The following ADCK2 variants were observed in gnomAD, a reference collection of about 807,000 sequenced individuals.
ADCK2 encodes the protein aarF domain containing kinase 2.
ADCK2 carries 37 observed loss-of-function variants against 52.3 expected under a neutral mutation model. That is an observed-to-expected ratio of 0.71 (90% CI 0.54 to 0.93). The LOEUF is 0.93. ADCK2 is among the 40% of genes least tolerant of loss of function. ADCK2 has a pLI of 0.00. For synonymous variants in ADCK2, 321 were observed against 349.2 expected (o/e 0.92, Z 0.90); for missense variants, 695 against 798.7 (o/e 0.87, Z 1.56).
chr7:140,686,893 G>T (rs1794612286), intron 4 of ADCK2, 97 bp from the exon 5 acceptor site: 1 of 1,507,522 alleles, frequency 6.6e-7, no homozygotes. Flanking sequence ...CTGTGATAGA[G>T]TGCTGGGAGC....
chr7:140,692,468 G>A (rs896115583), intron 7 of ADCK2, among the ~76,000 whole-genome samples: 7 of 152,078 alleles, frequency 4.6e-5, no homozygotes, highest in African/African-American at 1.7e-4. Context: ...AGCAATTCTC[G>A]TGCCTCAGCC....
rs1794777569 is a variant in ADCK2, at chr7:140,695,106, T to A, written c.*303T>A. 8.9e-7 allele frequency: 1 copy of A among 1,119,438 alleles called. No individual in the cohort carries two copies. The highest frequency in any genetic ancestry group is 1.1e-6 in the Non-Finnish European group (1 of 916,174). The allele number at this position is 1,119,438 out of a possible 1,614,324, so 69.3% of individuals were successfully genotyped here. ...AGGAGGACGAATAAATTTATTTTGT[T>A]TTCCTGTTTTTCTCATTTCTTGACC... On this transcript the variant is annotated 3_prime_UTR_variant, in exon 8 of 8. Coordinates refer to ENST00000072869, the MANE Select transcript of ADCK2 (RefSeq NM_052853.4).
chr7:140,680,293 G>C (rs1393432141), intron 3 of ADCK2, among the ~76,000 whole-genome samples: 1 of 151,630 alleles, frequency 6.6e-6, no homozygotes, highest in Non-Finnish European at 1.5e-5. Flanking sequence ...CCATAGGCAC[G>C]AGCCACCATC....
At chr7:140,685,763 T>C (rs1794595408) in intron 4 of ADCK2, among the ~76,000 whole-genome samples, 1 of 152,160 alleles carries the variant, frequency 6.6e-6, no homozygotes, top group Non-Finnish European at 1.5e-5. Context: ...TGAGAGCCCG[T>C]CCACCAGCAG....
chr7:140,674,228 C>G lies in ADCK2; in HGVS notation c.898C>G (p.Pro300Ala). The change falls in exon 1 of 8, where the codon CCT becomes GCT. Residue 300 changes from proline to alanine, a missense_variant. Coordinates refer to ENST00000072869, the MANE Select transcript of ADCK2 (RefSeq NM_052853.4). The surrounding 1 kb of genome is among the most constrained non-coding windows in gnomAD (Gnocchi z 4.6). ...VSRAQVPGHQ[P>A]EATNLISVAV... ...TCGGGCTCAGGTCCCTGGCCACCAA[C>G]CTGAGGCCACCAACCTCATCTCCGT... 6.2e-7 allele frequency: 1 copy of G among 1,613,652 alleles called. No homozygotes were observed.
At chr7:140,677,784 G>A (rs997053732) in intron 2 of ADCK2, among the ~76,000 whole-genome samples, 2 of 152,206 alleles carry the variant, frequency 1.3e-5, no homozygotes, top group African/African-American at 2.4e-5. Context: ...CTTGGTTGGT[G>A]TCCTTAGCTT....
Position 140,678,626 on chromosome 7 carries a change from C to T in ADCK2, c.1081-529C>T, listed in dbSNP as rs1794463591. Among the ~76,000 whole-genome samples, 1 of 152,154 alleles carries T rather than the reference C, an allele frequency of 6.6e-6. No individual in the cohort carries two copies. Among genetic ancestry groups the T allele is most frequent in the Non-Finnish European group, 1.5e-5 (1 of 68,030 alleles). On this transcript the variant is annotated intron_variant, in intron 2 of 7. Transcript: ENST00000072869. The surrounding 1 kb of genome is among the most constrained non-coding windows in gnomAD (Gnocchi z 4.9). ...AGAGACAGGTCAGCAGCGGCACCAGCCCTGGATGCCCACAGAGGTTGATGA... is the reference window on the plus strand; with the variant it reads ...AGAGACAGGTCAGCAGCGGCACCAGTCCTGGATGCCCACAGAGGTTGATGA...
rs368706879 is a variant in ADCK2, at chr7:140,673,640, G to A, written c.310G>A (p.Gly104Ser). 5 of 1,609,806 alleles carry A rather than the reference G, an allele frequency of 3.1e-6. No homozygotes were observed. Among genetic ancestry groups the A allele is most frequent in the Non-Finnish European group, 4.2e-6 (5 of 1,179,946 alleles). ...GCATCTCCGCCTCTGGCTTCGCGCC[G>A]GCGCTCTGTTGGTGAAATTCTTCCC... Reference protein sequence around the residue: ...FLHLRLWLRAGALLVKFFPLL... With the variant: ...FLHLRLWLRASALLVKFFPLL... Residue 104 changes from glycine to serine, a missense_variant, in exon 1 of 8, where the codon GGC (glycine) becomes AGC (serine). By Grantham distance (56) the Gly-to-Ser change is moderately conservative (BLOSUM62 0). Coordinates refer to ENST00000072869, the MANE Select transcript of ADCK2 (RefSeq NM_052853.4). The surrounding 1 kb of genome is among the most constrained non-coding windows in gnomAD (Gnocchi z 6.4).
In ADCK2 at chr7:140,674,241, A is replaced by G. The variant is rs1484733084; in HGVS notation, c.911A>G (p.Asn304Ser). The change falls in exon 1 of 8, where the codon AAC (asparagine) becomes AGC (serine). Residue 304 changes from asparagine to serine, a missense_variant. Transcript: ENST00000072869. The surrounding 1 kb of genome is among the most constrained non-coding windows in gnomAD (Gnocchi z 4.6). ...CCTGGCCACCAACCTGAGGCCACCA[A>G]CCTCATCTCCGTGGCAGTGAAAGTA... is the stretch of plus-strand genomic sequence containing the variant. Reference protein sequence around the residue: ...QVPGHQPEATNLISVAVKVLH... With the variant: ...QVPGHQPEATSLISVAVKVLH... 30 of 1,612,640 alleles carry G rather than the reference A, an allele frequency of 1.9e-5. No homozygotes were observed. Among genetic ancestry groups the G allele is most frequent in the Non-Finnish European group, 2.5e-5 (30 of 1,179,288 alleles).
At chr7:140,689,368 A>T (rs1794663588) in intron 5 of ADCK2, among the ~76,000 whole-genome samples, 1 of 152,216 alleles carries the variant, frequency 6.6e-6, no homozygotes, top group Middle Eastern at 3.4e-3. Context: ...CTGGTTTGAA[A>T]GTGTCCCCTG....
chr7:140,687,034 C>T lies in ADCK2; in HGVS notation c.1350C>T (p.Asn450=). The change falls in exon 5 of 8, where the codon AAC becomes AAT. Residue 450 remains asparagine, a synonymous_variant. Transcript: ENST00000072869. ...TCCATGCAGACCTTCACCCTGGAAA[C>T]ATCCTGGTTCAGGGTGCCAACGGCC... is the stretch of plus-strand genomic sequence containing the variant. ...NFVHADLHPG[N]ILVQGANGLS... The T allele has an allele frequency of 6.2e-7, 1 of 1,614,180 alleles. No individual in the cohort carries two copies. The highest frequency in any genetic ancestry group is 8.5e-7 in the Non-Finnish European group (1 of 1,180,038).
Position 140,673,094 on chromosome 7 carries a change from T to G in ADCK2, c.-237T>G. On this transcript the variant is annotated 5_prime_UTR_variant, in exon 1 of 8. Transcript: ENST00000072869. This position sits in a 1 kb window ranked among gnomAD's most constrained non-coding sequence, Gnocchi z 6.4. ...GTCCTGGCTCCTCCCGTTCCGCAGT[T>G]GGTGCCGTCTGACAGCCCCTTCCGC... is the stretch of plus-strand genomic sequence containing the variant. 2 of 259,736 alleles carry G rather than the reference T, an allele frequency of 7.7e-6. No homozygotes were observed. The highest frequency in any genetic ancestry group is 1.4e-5 in the Non-Finnish European group (2 of 140,032). The allele number at this position is 259,736 out of a possible 1,614,324, so 16.1% of individuals were successfully genotyped here. A position where few individuals can be genotyped will look rare whatever the true frequency, so the allele number is the denominator to read the frequency against.
rs1310186664 is a variant in ADCK2, at chr7:140,673,564, G to A, written c.234G>A (p.Ala78=). The change falls in exon 1 of 8, where the codon GCG becomes GCA. Residue 78 remains alanine (A), a synonymous_variant. Transcript: ENST00000072869. The surrounding 1 kb of genome is among the most constrained non-coding windows in gnomAD (Gnocchi z 6.4). The stretch of plus-strand genomic sequence containing the variant: ...TCCGCTGCAGCGGGGCGGCTGGCGC[G>A]GGGCCCGCGGAGAGCCTCCCCCGAG... ...RRVRCSGAAG[A]GPAESLPRAG... 6.2e-7 allele frequency: 1 copy of A among 1,600,960 alleles called. No individual in the cohort carries two copies. The highest frequency in any genetic ancestry group is 1.7e-5 in the Admixed American group (1 of 59,452).
rs1219512390 is a variant in ADCK2, at chr7:140,673,765, C to T, written c.435C>T (p.Tyr145=). The T allele has an allele frequency of 9.9e-6, 16 of 1,613,688 alleles. No homozygotes were observed. In the Admixed American group the frequency reaches 1.0e-4, roughly 10 times the overall value. ...CCACCGAGACCTCAGGCCCAACCTA[C>T]ATCAAACTGGGCCAGTGGGCCAGCA... ...LKATETSGPT[Y]IKLGQWASTR... is the part of the protein sequence containing the mutation. Residue 145 remains tyrosine, a synonymous_variant, in exon 1 of 8, where the codon TAC becomes TAT. Transcript: ENST00000072869. The surrounding 1 kb of genome is among the most constrained non-coding windows in gnomAD (Gnocchi z 6.4).
chr7:140,690,364 G>A (rs536658887), intron 6 of ADCK2, among the ~76,000 whole-genome samples: 77 of 152,124 alleles, frequency 5.1e-4, no homozygotes, highest in African/African-American at 1.6e-3. Context: ...CACCACACCC[G>A]GCTAATTTTT....
chr7:140,689,463 C>T (rs1794666221), intron 5 of ADCK2, 134 bp from the exon 6 acceptor site: 10 of 1,106,758 alleles, frequency 9.0e-6, no homozygotes, highest in Non-Finnish European at 1.3e-5. Context: ...AAGGTCACAG[C>T]CCGAGGAGGA....
chr7:140,681,990 G>A (rs1794524795), intron 4 of ADCK2, among the ~76,000 whole-genome samples: 1 of 152,164 alleles, frequency 6.6e-6, no homozygotes, highest in Admixed American at 6.5e-5. Flanking sequence ...ACCCAGTTCT[G>A]CCAGCATTGC....
intron 4 of ADCK2, among the ~76,000 whole-genome samples, chr7:140,684,389 T>C (rs1042248699): frequency 6.6e-6 from 1 of 152,070 alleles, no homozygotes. Flanking sequence ...TTGGCAGTAA[T>C]CGTGACCCAG....
Position 140,695,008 on chromosome 7 carries a change from G to C in ADCK2, c.*205G>C. On this transcript the variant is annotated 3_prime_UTR_variant, in exon 8 of 8. Coordinates refer to ENST00000072869, the MANE Select transcript of ADCK2 (RefSeq NM_052853.4). ...CAATTAGGGAGTAAAAGGAGGGAAG[G>C]GGCCTATCCATTCCATTGTGGAAGC... The C allele has an allele frequency of 7.6e-7, 1 of 1,309,536 alleles. No homozygotes were observed. The highest frequency in any genetic ancestry group is 9.7e-7 in the Non-Finnish European group (1 of 1,031,712). 81.1% of individuals were successfully genotyped at this position (1,309,536 alleles called of 1,614,324 possible).
Sources: gnomAD v4.1 joint callset for allele counts (sites outside exome capture counted in the v4.1 genomes callset) on GRCh38, gnomAD v4.1.1 for gene constraint, Gnocchi (gnomAD v3.1) non-coding constraint, MANE v1.5 for transcripts, NCBI Gene and HGNC (gene_info 2026-07-23, HGNC 2026-07-21) for gene names.